GRM8: variants seen among roughly 807,000 people sequenced by gnomAD.
GRM8 encodes the protein glutamate metabotropic receptor 8, also known as metabotropic glutamate receptor 8.
GRM8 carries 47 observed loss-of-function variants against 87.2 expected under a neutral mutation model. The observed-to-expected ratio is 0.54, with a 90% confidence interval of 0.43 to 0.69. The LOEUF is 0.69. GRM8 is among the 30% of genes least tolerant of loss of function. The probability of loss-of-function intolerance (pLI) is 0.00; values close to 1 mark genes in which losing one functional copy is unlikely to be tolerated. For missense variants in GRM8, 1,019 were observed against 1,139.2 expected, an observed-to-expected ratio of 0.89 and a Z score of 1.52; for synonymous variants, 396 against 404.5, an observed-to-expected ratio of 0.98 and a Z score of 0.25.
chr7:126,894,475 A>AT (rs968437419), intron 6 of GRM8, among the ~76,000 whole-genome samples: 1 of 151,840 alleles, frequency 6.6e-6, no homozygotes, highest in Non-Finnish European at 1.5e-5. Flanking sequence ...TCCTGAATTC[A>AT]TTTTTTCTCT....
At chr7:127,060,767 T>C (rs940351166) in intron 3 of GRM8, among the ~76,000 whole-genome samples, 1 of 152,114 alleles carries the variant, frequency 6.6e-6, no homozygotes, top group South Asian at 2.1e-4. Context: ...TGTATATTAA[T>C]GTACTTTTCA....
At chr7:126,514,277 G>A (rs1584900620) in intron 9 of GRM8, among the ~76,000 whole-genome samples, 1 of 152,112 alleles carries the variant, frequency 6.6e-6, no homozygotes, top group South Asian at 2.1e-4. Flanking sequence ...GAAGGACGAT[G>A]CATCCAATTT....
At chr7:126,735,707 G>A (rs1814134671) in intron 7 of GRM8, among the ~76,000 whole-genome samples, 1 of 151,980 alleles carries the variant, frequency 6.6e-6, no homozygotes, top group Non-Finnish European at 1.5e-5. Flanking sequence ...TGTCCTCGCA[G>A]TAGACTAAAA....
intron 6 of GRM8, among the ~76,000 whole-genome samples, chr7:126,841,147 C>T (rs181422481): frequency 2.0e-5 from 3 of 152,296 alleles, no homozygotes; most frequent in South Asian, 2.1e-4. Context: ...CAAAATAACC[C>T]CCAAATTTTG....
chr7:126,550,548 C>A (rs2150926534), intron 8 of GRM8, among the ~76,000 whole-genome samples: 1 of 152,092 alleles, frequency 6.6e-6, no homozygotes, highest in Admixed American at 6.5e-5. Context: ...ACATATAATG[C>A]AACCACTTAG....
chr7:126,473,175 C>A (rs1218514399), intron 9 of GRM8, among the ~76,000 whole-genome samples: 6 of 152,144 alleles, frequency 3.9e-5, no homozygotes, highest in Admixed American at 3.9e-4. Context: ...AATGGTAGAT[C>A]CACCTAGAGC....
chr7:126,474,023 A>G (rs993745202), intron 9 of GRM8, among the ~76,000 whole-genome samples: 1 of 152,146 alleles, frequency 6.6e-6, no homozygotes, highest in Non-Finnish European at 1.5e-5. Flanking sequence ...TCATAGCACT[A>G]TGAAAATGGA....
rs553407059 is a variant in GRM8 at position 126,708,907 on chromosome 7, A to C, written c.1357+60958T>G. ...TAAATTTTAAGATGTTTATTGTAAAACATGGTGATATAGTTAATAAAATGT... is the reference window on the plus strand; with the variant it reads ...TAAATTTTAAGATGTTTATTGTAAACCATGGTGATATAGTTAATAAAATGT... On this transcript the variant is annotated intron_variant, in intron 7 of 10. Transcript: ENST00000339582. Among the ~76,000 whole-genome samples the C allele has an allele frequency of 5.3e-5, 8 of 152,200 alleles. No homozygotes were observed. The East Asian group carries it at 1.5e-3, about 29-fold the overall frequency.
chr7:127,250,970 T>G (rs10227788), intron 1 of GRM8: 2 of 152,244 alleles, frequency 1.3e-5, no homozygotes, highest in African/African-American at 4.8e-5. Flanking sequence ...TCCAGTTCTG[T>G]CAGTTGGCAG....
At chr7:126,983,238 A>G (rs965802836) in intron 3 of GRM8, among the ~76,000 whole-genome samples, 1 of 152,180 alleles carries the variant, frequency 6.6e-6, no homozygotes, top group South Asian at 2.1e-4. Flanking sequence ...AAATTTTGCT[A>G]GTGGGTCACT....
chr7:126,476,104 C>T (rs956901717), intron 9 of GRM8, among the ~76,000 whole-genome samples: 5 of 151,882 alleles, frequency 3.3e-5, no homozygotes, highest in East Asian at 1.9e-4. Flanking sequence ...AATAAACAAA[C>T]GGGACTACAT....
chr7:127,198,688 A>G (rs1369028623), intron 2 of GRM8, among the ~76,000 whole-genome samples: 4 of 151,204 alleles, frequency 2.6e-5, no homozygotes, highest in African/African-American at 4.9e-5. Flanking sequence ...TTTTTTAAAG[A>G]GACAGGGTTT....
At chr7:127,058,640 A>G (rs1320138889) in intron 3 of GRM8, among the ~76,000 whole-genome samples, 3 of 152,222 alleles carry the variant, frequency 2.0e-5, no homozygotes, top group African/African-American at 7.2e-5. Context: ...ATTCTGAAAT[A>G]GCAAGTAATG....
intron 7 of GRM8, among the ~76,000 whole-genome samples, chr7:126,734,752 G>T (rs1340994350): frequency 1.2e-4 from 18 of 151,936 alleles, no homozygotes; most frequent in Non-Finnish European, 2.4e-4. Context: ...AGTTTAAAAC[G>T]AATTTCCCAG....
At chr7:126,613,978 G>T (rs1336037653) in intron 7 of GRM8, among the ~76,000 whole-genome samples, 1 of 152,224 alleles carries the variant, frequency 6.6e-6, no homozygotes, top group East Asian at 1.9e-4. Context: ...ACAAAAGGCA[G>T]CAGACCTCTG....
intron 3 of GRM8, among the ~76,000 whole-genome samples, chr7:127,075,449 G>T (rs973203421): frequency 8.5e-5 from 13 of 152,100 alleles, no homozygotes; most frequent in African/African-American, 2.4e-4. Context: ...CTTGATAAAT[G>T]CATTCATAAA....
At chr7:126,639,608 T>C (rs1050479114) in intron 7 of GRM8, among the ~76,000 whole-genome samples, 1 of 152,110 alleles carries the variant, frequency 6.6e-6, no homozygotes, top group Non-Finnish European at 1.5e-5. Flanking sequence ...GAGGCAAAGT[T>C]AGGACATTTC....
chr7:126,560,862 C>T (rs1392742216), intron 8 of GRM8, among the ~76,000 whole-genome samples: 4 of 152,118 alleles, frequency 2.6e-5, no homozygotes, highest in Non-Finnish European at 1.5e-5. Context: ...AAAATATACA[C>T]ATAAATGATA....
chr7:126,900,770 A>C (rs1401044674), intron 6 of GRM8, among the ~76,000 whole-genome samples: 1 of 152,100 alleles, frequency 6.6e-6, no homozygotes. Flanking sequence ...TCGGCCTCCC[A>C]AAGTGCTAGG....
Sources: allele counts gnomAD v4.1 joint callset (sites outside exome capture counted in the v4.1 genomes callset), GRCh38; gene constraint gnomAD v4.1.1; transcripts MANE v1.5; gene names NCBI Gene and HGNC (gene_info 2026-07-23, HGNC 2026-07-21).